The following TNS3 variants were observed in gnomAD, a reference collection of about 807,000 sequenced individuals.
TNS3 encodes tensin 3.
Under a neutral mutation model 140.9 loss-of-function variants are expected in TNS3, and 45 were observed. That is an observed-to-expected ratio of 0.32 (90% CI 0.25 to 0.41). The LOEUF (loss-of-function observed/expected upper bound fraction) is 0.41. Among genes scored for constraint, TNS3 ranks in the 10% least tolerant of loss-of-function variants. The pLI, the probability that TNS3 is intolerant of heterozygous loss-of-function variation, is 1.00. For missense variants in TNS3, 1,716 were observed against 1,906.7 expected (o/e 0.90, Z 1.86); for synonymous variants, 815 against 788.4 (o/e 1.03, Z -0.56).
chr7:47,408,577 C>T (rs945045185), intron 13 of TNS3, among the ~76,000 whole-genome samples: 4 of 152,146 alleles, frequency 2.6e-5, no homozygotes, highest in Non-Finnish European at 4.4e-5. Context: ...AGGGTCACAT[C>T]GATGCAGTTT....
At position 47,303,207 on chromosome 7, in the gene TNS3, G is replaced by C. The variant is rs759667057; in HGVS notation, c.3200C>G (p.Ser1067Cys). 8.7e-6 allele frequency: 14 copies of C among 1,613,610 alleles called. No homozygotes were observed. The highest frequency in any genetic ancestry group is 1.2e-5 in the Non-Finnish European group (14 of 1,180,010). ...AGGCGCCACCGTGAGAAAGTTGTGG[G>C]ACAGGAAGCCATTGTCGGCAGCCCC... is the stretch of plus-strand genomic sequence containing the variant. ...ATGAADNGFL[S>C]HNFLTVAPGH... The change falls in exon 22 of 31, where the codon TCC (serine) becomes TGC (cysteine). Residue 1067 changes from serine to cysteine, a missense_variant. Physicochemically the swap from Ser to Cys is moderately radical, Grantham distance 112 (BLOSUM62 -1). Transcript: ENST00000311160.
At position 47,529,393 on chromosome 7, in the gene TNS3, A is replaced by G. The variant is rs915549070; in HGVS notation, c.-264-246T>C. Among the ~76,000 whole-genome samples, 5 of 152,186 alleles carry G rather than the reference A, an allele frequency of 3.3e-5. No individual in the cohort carries two copies. The South Asian group carries it at 6.2e-4, about 19-fold the overall frequency. On this transcript the variant is annotated intron_variant, in intron 1 of 30. Coordinates refer to ENST00000311160, the MANE Select transcript of TNS3 (RefSeq NM_022748.12). ...ACGTTCACTCTCACCCAACTCATCA[A>G]TCACCACATGGGGTGCCTAGAAACA... is the stretch of plus-strand genomic sequence containing the variant.
chr7:47,579,777 T>G (rs961647915), intron 1 of TNS3: 1 of 933,042 alleles, frequency 1.1e-6, no homozygotes, highest in Non-Finnish European at 1.3e-6. Context: ...TGGGTCCTTG[T>G]GTAGAGTCCT....
intron 17 of TNS3, among the ~76,000 whole-genome samples, chr7:47,359,189 G>C (rs1790175929): frequency 6.6e-6 from 1 of 152,160 alleles, no homozygotes; most frequent in South Asian, 2.1e-4. Context: ...CTCTATCCCA[G>C]CTGTGGAATA....
chr7:47,472,488 G>A (rs952631052), intron 4 of TNS3, among the ~76,000 whole-genome samples: 5 of 152,176 alleles, frequency 3.3e-5, no homozygotes, highest in Admixed American at 6.5e-5. Flanking sequence ...AGAAAGGCAC[G>A]TGCACAGGGA....
intron 2 of TNS3, among the ~76,000 whole-genome samples, chr7:47,522,787 G>C (rs1799033002): frequency 6.6e-6 from 1 of 152,084 alleles, no homozygotes; most frequent in Non-Finnish European, 1.5e-5. Flanking sequence ...AATTAGCCGG[G>C]TGTGGTGGCG....
At chr7:47,416,990 G>A (rs1335287314) in intron 10 of TNS3, among the ~76,000 whole-genome samples, 1 of 152,180 alleles carries the variant, frequency 6.6e-6, no homozygotes, top group Non-Finnish European at 1.5e-5. Flanking sequence ...GTCCCACACT[G>A]CCTGGCCATG....
At chr7:47,518,982 T>C (rs901706951) in intron 2 of TNS3, among the ~76,000 whole-genome samples, 1 of 152,064 alleles carries the variant, frequency 6.6e-6, no homozygotes, top group African/African-American at 2.4e-5. Context: ...TGACTAATGT[T>C]GATGAAGCAC....
intron 1 of TNS3, among the ~76,000 whole-genome samples, chr7:47,530,800 G>A (rs1233442794): frequency 4.3e-5 from 4 of 92,880 alleles, no homozygotes; most frequent in Non-Finnish European, 8.5e-5. Context: ...TCCAGCCTGG[G>A]CAACAAGAGT....
chr7:47,278,250 CAGTGTCCCACAA>C (rs775291108), intron 30 of TNS3, 30 bp from the exon 31 acceptor site: 1 of 1,601,394 alleles, frequency 6.2e-7, no homozygotes, highest in Non-Finnish European at 8.5e-7. Flanking sequence ...TCAGAGTGGT[CAGTGTCCCACAA>C]AGTACCAAGC....
chr7:47,398,135 C>T (rs1792939290), intron 15 of TNS3, among the ~76,000 whole-genome samples: 1 of 152,092 alleles, frequency 6.6e-6, no homozygotes, highest in Admixed American at 6.5e-5. Flanking sequence ...CCTGAACAGA[C>T]TAGTAAAAAG....
Position 47,557,967 on chromosome 7 carries a change from G to A in TNS3, c.-265+24084C>T, listed in dbSNP as rs1051897473. On this transcript the variant is annotated intron_variant, in intron 1 of 30. Coordinates refer to ENST00000311160, the MANE Select transcript of TNS3 (RefSeq NM_022748.12). ...AGAAGGCCTGCGGTGAGCAGGCCTC[G>A]GGACATCTCTGCTGTCTGCCCATCG... 7.2e-5 allele frequency among the ~76,000 whole-genome samples: 11 copies of A among 152,166 alleles called. No individual in the cohort carries two copies. The South Asian group carries it at 1.0e-3, about 14-fold the overall frequency.
At chr7:47,406,034 A>AC (rs2151378863) in intron 13 of TNS3, among the ~76,000 whole-genome samples, 1 of 151,998 alleles carries the variant, frequency 6.6e-6, no homozygotes, top group East Asian at 1.9e-4. Context: ...GCCCTGCCAG[A>AC]CTCCTGATGA....
At chr7:47,459,353 C>T (rs948812130) in intron 4 of TNS3, among the ~76,000 whole-genome samples, 1 of 152,194 alleles carries the variant, frequency 6.6e-6, no homozygotes, top group Non-Finnish European at 1.5e-5. Context: ...ACATGAAACC[C>T]ATTCCATCTT....
At chr7:47,428,253 G>A in intron 9 of TNS3, 59 bp downstream of exon 9, 1 of 1,256,612 alleles carries the variant, frequency 8.0e-7, no homozygotes, top group East Asian at 2.8e-5. Context: ...ACAGCCTTCA[G>A]CCCCATGCAG....
chr7:47,462,456 T>C (rs571153617), intron 4 of TNS3, among the ~76,000 whole-genome samples: 1 of 152,324 alleles, frequency 6.6e-6, no homozygotes, highest in South Asian at 2.1e-4. Flanking sequence ...ACACTGTGAC[T>C]AGAGCTCGCA....
At chr7:47,509,636 A>C (rs116618820) in intron 2 of TNS3, among the ~76,000 whole-genome samples, 294 of 152,132 alleles carry the variant, frequency 1.9e-3, no homozygotes, top group African/African-American at 6.9e-3. Context: ...ACATATTACA[A>C]AATATGAATC....
intron 20 of TNS3, among the ~76,000 whole-genome samples, chr7:47,320,701 T>G (rs1787686439): frequency 6.6e-6 from 1 of 152,186 alleles, no homozygotes; most frequent in Non-Finnish European, 1.5e-5. Flanking sequence ...CAGTCACCAC[T>G]GTAAAGGCCC....
chr7:47,318,941 T>C (rs932094131), intron 20 of TNS3, among the ~76,000 whole-genome samples: 3 of 152,164 alleles, frequency 2.0e-5, no homozygotes, highest in Non-Finnish European at 2.9e-5. Context: ...ATGTTTTCTG[T>C]TTTCAGGCAG....
Sources: allele counts gnomAD v4.1 joint callset (sites outside exome capture counted in the v4.1 genomes callset), GRCh38; gene constraint gnomAD v4.1.1; transcripts MANE v1.5; gene names NCBI Gene and HGNC (gene_info 2026-07-23, HGNC 2026-07-21).